The following VPS13B variants were observed in gnomAD, a reference collection of about 807,000 sequenced individuals.
The protein encoded by VPS13B is intermembrane lipid transfer protein VPS13B.
In VPS13B, 285 loss-of-function variants were observed where a neutral mutation model predicts 426.4. That is an observed-to-expected ratio of 0.67 (90% CI 0.61 to 0.74). VPS13B has a LOEUF of 0.74. VPS13B is among the 30% of genes least tolerant of loss of function. The pLI is 0.00. For missense variants in VPS13B, 4,537 were observed against 4,782.6 expected, an observed-to-expected ratio of 0.95 and a Z score of 1.51; for synonymous variants, 1,676 against 1,676.4, an observed-to-expected ratio of 1.00 and a Z score of 0.01.
intron 31 of VPS13B, among the ~76,000 whole-genome samples, chr8:99,558,366 C>T (rs887593476): frequency 6.6e-6 from 1 of 152,006 alleles, no homozygotes; most frequent in Non-Finnish European, 1.5e-5. Context: ...ACTTGCCTAG[C>T]TCCTATCATT....
intron 39 of VPS13B, among the ~76,000 whole-genome samples, chr8:99,725,783 A>T (rs990902361): frequency 6.6e-6 from 1 of 152,184 alleles, no homozygotes; most frequent in African/African-American, 2.4e-5. Flanking sequence ...GTTATTTTTC[A>T]GTGGTATCAT....
chr8:99,030,103 G>A (rs919655904), intron 2 of VPS13B, among the ~76,000 whole-genome samples: 1 of 99,270 alleles, frequency 1.0e-5, no homozygotes, highest in African/African-American at 3.9e-5. Context: ...TGCTTTGTCT[G>A]TTCTCTTCTT....
chr8:99,720,632 A>T, intron 38 of VPS13B, 80 bp downstream of exon 38: 20 of 1,457,650 alleles, frequency 1.4e-5, no homozygotes, highest in Non-Finnish European at 1.9e-5. Flanking sequence ...AAATAAAAAC[A>T]ATCAAGATGG....
At chr8:99,531,128 T>C (rs1392725555) in intron 30 of VPS13B, among the ~76,000 whole-genome samples, 2 of 152,226 alleles carry the variant, frequency 1.3e-5, no homozygotes, top group Non-Finnish European at 2.9e-5. Flanking sequence ...GGACTTAATA[T>C]TATAACCTTC....
chr8:99,162,421 C>T (rs1008687769), intron 15 of VPS13B, among the ~76,000 whole-genome samples: 3 of 152,098 alleles, frequency 2.0e-5, no homozygotes, highest in African/African-American at 4.8e-5. Context: ...AAATTGTGTC[C>T]GGAGTTGGTG....
intron 19 of VPS13B, among the ~76,000 whole-genome samples, chr8:99,355,770 C>G (rs1304983556): frequency 2.6e-5 from 4 of 152,146 alleles, no homozygotes; most frequent in South Asian, 2.1e-4. Flanking sequence ...GCTCACATAT[C>G]AGTTTCATAG....
chr8:99,622,533 T>C (rs1462353004), intron 33 of VPS13B, among the ~76,000 whole-genome samples: 1 of 152,224 alleles, frequency 6.6e-6, no homozygotes, highest in Admixed American at 6.5e-5. Flanking sequence ...ATATGAGATA[T>C]GCAACACAAT....
intron 61 of VPS13B, chr8:99,873,385 A>C (rs1817531289): frequency 1.3e-5 from 2 of 152,280 alleles, no homozygotes; most frequent in South Asian, 4.2e-4. Context: ...GGGATTGTGG[A>C]ATCAGAGAAG....
At chr8:99,500,024 T>C (rs1821142035) in intron 25 of VPS13B, among the ~76,000 whole-genome samples, 1 of 152,144 alleles carries the variant, frequency 6.6e-6, no homozygotes, top group African/African-American at 2.4e-5. Context: ...TGTGTTTAGA[T>C]GGCATGTCTG....
chr8:99,193,699 C>G (rs1009403378), intron 17 of VPS13B, among the ~76,000 whole-genome samples: 3 of 152,072 alleles, frequency 2.0e-5, no homozygotes, highest in Non-Finnish European at 4.4e-5. Context: ...CTTAAAGTAA[C>G]ATTATTTTTA....
intron 54 of VPS13B, among the ~76,000 whole-genome samples, chr8:99,837,076 C>T (rs940972377): frequency 1.3e-5 from 2 of 152,168 alleles, no homozygotes; most frequent in Admixed American, 1.3e-4. Flanking sequence ...TCTCATCTCT[C>T]AAGATTTCAT....
chr8:99,034,548 T>TAC (rs562404609), intron 2 of VPS13B, among the ~76,000 whole-genome samples: 37 of 152,140 alleles, frequency 2.4e-4, no homozygotes, highest in Non-Finnish European at 3.8e-4. Context: ...ACAACAGATA[T>TAC]ACAGTCTTCT....
chr8:99,875,076 C>CT (rs993080030), intron 61 of VPS13B: 2 of 331,420 alleles, frequency 6.0e-6, no homozygotes, highest in African/African-American at 2.1e-5. Flanking sequence ...GATTTTTCTC[C>CT]TTTTTTCTTG....
At chr8:99,474,050 G>A (rs946329155) in intron 24 of VPS13B, among the ~76,000 whole-genome samples, 1 of 152,048 alleles carries the variant, frequency 6.6e-6, no homozygotes, top group Non-Finnish European at 1.5e-5. Context: ...ATTGTTGATG[G>A]CTTATTGATC....
At chr8:99,725,768 G>T (rs539244064) in intron 39 of VPS13B, among the ~76,000 whole-genome samples, 1 of 152,114 alleles carries the variant, frequency 6.6e-6, no homozygotes, top group Non-Finnish European at 1.5e-5. Flanking sequence ...ATCAGGGTGC[G>T]TTGTGTTATT....
intron 25 of VPS13B, among the ~76,000 whole-genome samples, chr8:99,500,293 G>A (rs984284747): frequency 8.5e-5 from 13 of 152,052 alleles, no homozygotes; most frequent in African/African-American, 2.9e-4. Context: ...TGGAGGTTGA[G>A]GATATACGGC....
At chr8:99,698,244 G>A (rs530070340) in intron 35 of VPS13B, among the ~76,000 whole-genome samples, 94 of 152,354 alleles carry the variant, frequency 6.2e-4, no homozygotes, top group African/African-American at 2.2e-3. Context: ...ACACTGTGGT[G>A]TGGTGCAGCT....
chr8:99,450,387 ACT>A (rs1265777776), intron 23 of VPS13B, among the ~76,000 whole-genome samples: 1 of 152,034 alleles, frequency 6.6e-6, no homozygotes, highest in African/African-American at 2.4e-5. Context: ...CCACCATCTG[ACT>A]CTGGTGGTTA....
intron 35 of VPS13B, chr8:99,697,483 GC>G: frequency 1.4e-6 from 1 of 739,932 alleles, no homozygotes; most frequent in Non-Finnish European, 2.5e-6. Flanking sequence ...CCTGCTCTAA[GC>G]TGAAGGAGCA....
Sources: allele counts gnomAD v4.1 joint callset (sites outside exome capture counted in the v4.1 genomes callset), GRCh38; gene constraint gnomAD v4.1.1; transcripts MANE v1.5; gene names NCBI Gene and HGNC (gene_info 2026-07-23, HGNC 2026-07-21).